The following LPP variants were observed in gnomAD, a reference collection of about 807,000 sequenced individuals.
LPP encodes the protein lipoma-preferred partner.
In LPP, 38 loss-of-function variants were observed where a neutral mutation model predicts 60.4. That is an observed-to-expected ratio of 0.63 (90% CI 0.49 to 0.83). LPP has a LOEUF of 0.83. Ranked by LOEUF, LPP falls within the 40% of genes least tolerant of loss-of-function variation. The probability of loss-of-function intolerance (pLI) is 0.00; values close to 1 mark genes in which losing one functional copy is unlikely to be tolerated. For synonymous variants in LPP, 328 were observed against 290.8 expected, an observed-to-expected ratio of 1.13 and a Z score of -1.30; for missense variants, 902 against 783.6, an observed-to-expected ratio of 1.15 and a Z score of -1.80.
At chr3:188,445,306 G>A (rs1794965303) in intron 4 of LPP, among the ~76,000 whole-genome samples, 1 of 152,084 alleles carries the variant, frequency 6.6e-6, no homozygotes, top group South Asian at 2.1e-4. Flanking sequence ...ATACTATGCA[G>A]CCATAAAAAA....
chr3:188,789,665 T>C (rs11922706), intron 9 of LPP, among the ~76,000 whole-genome samples: 2,612 of 152,252 alleles, frequency 0.017, 78 homozygotes, highest in African/African-American at 0.058. Context: ...TACTTATTCA[T>C]GTTTACAGGA....
chr3:188,309,262 C>A (rs1300327290), intron 2 of LPP, among the ~76,000 whole-genome samples: 1 of 152,066 alleles, frequency 6.6e-6, no homozygotes, highest in Non-Finnish European at 1.5e-5. Flanking sequence ...CTCAGGTGAT[C>A]CACCTGCCTT....
At chr3:188,699,792 A>T (rs1864011230) in intron 7 of LPP, among the ~76,000 whole-genome samples, 1 of 152,190 alleles carries the variant, frequency 6.6e-6, no homozygotes, top group African/African-American at 2.4e-5. Context: ...CAGAAGAGGT[A>T]TCCAGCAAAT....
intron 2 of LPP, among the ~76,000 whole-genome samples, chr3:188,320,028 T>C (rs1454414573): frequency 2.6e-5 from 4 of 152,244 alleles, no homozygotes; most frequent in African/African-American, 9.6e-5. Flanking sequence ...TGATGCTTTC[T>C]CATGATTAAA....
rs1770270726 is a variant in LPP at position 188,883,335 on chromosome 3, A to T, written c.*8856A>T. 1 of 215,516 alleles carries T rather than the reference A, an allele frequency of 4.6e-6. No homozygotes were observed. 13.4% of individuals were successfully genotyped at this position (215,516 alleles called of 1,614,324 possible). ...CTGGTTGTACTTTCCTATTTAGAAGACAGACCGTTCTGACAGTTGTTGTGT... is the reference window on the plus strand; with the variant it reads ...CTGGTTGTACTTTCCTATTTAGAAGTCAGACCGTTCTGACAGTTGTTGTGT... On this transcript the variant is annotated 3_prime_UTR_variant, in exon 12 of 12. Transcript: ENST00000617246.
chr3:188,819,032 G>A (rs1753242225), intron 9 of LPP, among the ~76,000 whole-genome samples: 1 of 19,192 alleles, frequency 5.2e-5, no homozygotes, highest in South Asian at 2.1e-3. Flanking sequence ...GGGGTCGTGT[G>A]TGTGTGTGTG....
At chr3:188,240,528 A>T (rs1723996393) in intron 2 of LPP, among the ~76,000 whole-genome samples, 1 of 152,316 alleles carries the variant, frequency 6.6e-6, no homozygotes, top group African/African-American at 2.4e-5. Context: ...TTTGTAGGGA[A>T]GGAAACTGAT....
intron 1 of LPP, among the ~76,000 whole-genome samples, chr3:188,193,957 A>G (rs1030991101): frequency 6.6e-6 from 1 of 152,184 alleles, no homozygotes; most frequent in African/African-American, 2.4e-5. Context: ...ATTCTGATGA[A>G]CAAGGTTTAA....
chr3:188,505,539 A>C (rs191924878), intron 5 of LPP, among the ~76,000 whole-genome samples: 4 of 152,144 alleles, frequency 2.6e-5, no homozygotes, highest in Admixed American at 2.6e-4. Flanking sequence ...TATCCATGAG[A>C]TCTTTTCATA....
intron 1 of LPP, among the ~76,000 whole-genome samples, chr3:188,210,021 T>TATCCATGGTTTCTGC (rs1378294063): frequency 2.0e-5 from 3 of 151,746 alleles, no homozygotes; most frequent in African/African-American, 7.3e-5. Flanking sequence ...CAGCCCTCTG[T>TATCCATGGTTTCTGC]ATCCATGGTT....
intron 9 of LPP, among the ~76,000 whole-genome samples, chr3:188,797,115 C>CCCTCCTCCTCCTCCTCCT (rs4011849): frequency 6.7e-6 from 1 of 149,650 alleles, no homozygotes; most frequent in African/African-American, 2.5e-5. Context: ...AGCTCTTTTC[C>CCCTCCTCCTCCTCCTCCT]CCTCCTCCTC....
chr3:188,257,019 A>G (rs2149641023), intron 2 of LPP, among the ~76,000 whole-genome samples: 1 of 152,264 alleles, frequency 6.6e-6, no homozygotes. Flanking sequence ...GAGAGGGAAT[A>G]TGTGGCATAG....
At chr3:188,495,301 A>T (rs1435673107) in intron 5 of LPP, among the ~76,000 whole-genome samples, 1 of 149,772 alleles carries the variant, frequency 6.7e-6, no homozygotes, top group African/African-American at 2.5e-5. Flanking sequence ...TACAGCTCTA[A>T]AATTCAGTGC....
chr3:188,300,767 G>C (rs1366417624), intron 2 of LPP, among the ~76,000 whole-genome samples: 1 of 152,120 alleles, frequency 6.6e-6, no homozygotes, highest in Non-Finnish European at 1.5e-5. Context: ...TCTCTTCATA[G>C]AAGGATACAA....
intron 2 of LPP, among the ~76,000 whole-genome samples, chr3:188,338,182 C>A (rs908196410): frequency 3.9e-5 from 6 of 152,204 alleles, no homozygotes; most frequent in Non-Finnish European, 1.5e-5. Flanking sequence ...GAGAGGGAAG[C>A]AATTAAATCC....
chr3:188,614,006 C>A (rs896709187), intron 7 of LPP, among the ~76,000 whole-genome samples: 1 of 151,754 alleles, frequency 6.6e-6, no homozygotes, highest in Non-Finnish European at 1.5e-5. Flanking sequence ...CGGCTCACTG[C>A]AACCTCCACC....
intron 6 of LPP, among the ~76,000 whole-genome samples, chr3:188,538,272 C>T (rs182016664): frequency 6.6e-6 from 1 of 152,122 alleles, no homozygotes; most frequent in South Asian, 2.1e-4. Context: ...AGTGAACAAA[C>T]AATCCGTGGA....
intron 9 of LPP, among the ~76,000 whole-genome samples, chr3:188,836,074 T>C (rs1388145314): frequency 6.6e-6 from 1 of 152,218 alleles, no homozygotes; most frequent in African/African-American, 2.4e-5. Flanking sequence ...ATGTTGTTTC[T>C]GTCCAGAATT....
intron 1 of LPP, among the ~76,000 whole-genome samples, chr3:188,164,539 G>GA (rs1719346877): frequency 6.6e-6 from 1 of 152,148 alleles, no homozygotes; most frequent in Non-Finnish European, 1.5e-5. Context: ...GTATGAAAAC[G>GA]AATCATTTTC....
Sources: gnomAD v4.1 joint callset for allele counts (sites outside exome capture counted in the v4.1 genomes callset) on GRCh38, gnomAD v4.1.1 for gene constraint, MANE v1.5 for transcripts, NCBI Gene and HGNC (gene_info 2026-07-23, HGNC 2026-07-21) for gene names.